IGSF21: variants seen among roughly 807,000 people sequenced by gnomAD.
The protein encoded by IGSF21 is immunoglobulin superfamily member 21.
Under a neutral mutation model 46.8 loss-of-function variants are expected in IGSF21, and 28 were observed. The observed-to-expected ratio is 0.60, with a 90% confidence interval of 0.44 to 0.82. The LOEUF is 0.82. Among genes scored for constraint, IGSF21 ranks in the 40% least tolerant of loss-of-function variants. The probability of loss-of-function intolerance (pLI) is 0.00; values close to 1 mark genes in which losing one functional copy is unlikely to be tolerated. For missense variants in IGSF21, 624 were observed against 665.5 expected (o/e 0.94, Z 0.69); for synonymous variants, 284 against 273.6 (o/e 1.04, Z -0.38).
intron 4 of IGSF21, among the ~76,000 whole-genome samples, chr1:18,352,756 G>T (rs1312926657): frequency 6.6e-6 from 1 of 152,216 alleles, no homozygotes; most frequent in African/African-American, 2.4e-5. Context: ...AGTTGGGGCT[G>T]TTAATTTTAT....
intron 1 of IGSF21, among the ~76,000 whole-genome samples, chr1:18,129,218 A>T (rs1248769921): frequency 6.6e-6 from 1 of 152,140 alleles, no homozygotes. Flanking sequence ...TGGGTCAGGA[A>T]AAGGGGAGAG....
intron 1 of IGSF21, among the ~76,000 whole-genome samples, chr1:18,133,554 C>A (rs2086341296): frequency 6.6e-6 from 1 of 152,250 alleles, no homozygotes; most frequent in Admixed American, 6.5e-5. Context: ...GTGCTCCATG[C>A]TGCCGCTTTC....
chr1:18,225,085 T>TCTCTCTCTCTCACACACA, intron 1 of IGSF21, among the ~76,000 whole-genome samples: 27 of 51,594 alleles, frequency 5.2e-4, no homozygotes, highest in East Asian at 4.4e-3. Context: ...TCTCTCTCTC[T>TCTCTCTCTCTCACACACA]CACACACACA....
intron 2 of IGSF21, among the ~76,000 whole-genome samples, chr1:18,260,231 T>A (rs961929572): frequency 3.3e-5 from 5 of 152,134 alleles, no homozygotes; most frequent in African/African-American, 1.2e-4. Context: ...GAAAGCCCAA[T>A]GTCTGTCGAG....
chr1:18,159,179 C>T (rs2086594268), intron 1 of IGSF21, among the ~76,000 whole-genome samples: 2 of 152,256 alleles, frequency 1.3e-5, no homozygotes, highest in African/African-American at 4.8e-5. Flanking sequence ...TCCAGCACAG[C>T]TCCGGAACCT....
chr1:18,112,357 G>A (rs1469964927), intron 1 of IGSF21: 1 of 152,172 alleles, frequency 6.6e-6, no homozygotes, highest in African/African-American at 2.4e-5. Flanking sequence ...TGGTGTTTAA[G>A]GCTCAGTGGG....
At chr1:18,372,671 T>A (rs1459878442) in intron 6 of IGSF21, among the ~76,000 whole-genome samples, 1 of 151,318 alleles carries the variant, frequency 6.6e-6, no homozygotes, top group African/African-American at 2.4e-5. Context: ...GATGGGTGGA[T>A]GGAGGGATGG....
intron 4 of IGSF21, among the ~76,000 whole-genome samples, chr1:18,339,220 C>T (rs1039914866): frequency 6.6e-6 from 1 of 152,210 alleles, no homozygotes; most frequent in Non-Finnish European, 1.5e-5. Context: ...GGTACATCCA[C>T]GTGAGTCACA....
intron 1 of IGSF21, among the ~76,000 whole-genome samples, chr1:18,138,506 C>A (rs2086386917): frequency 6.6e-6 from 1 of 152,082 alleles, no homozygotes. Context: ...TGGGAATGAC[C>A]CCAGGAGGTA....
chr1:18,205,123 G>A (rs545409185), intron 1 of IGSF21, among the ~76,000 whole-genome samples: 1 of 151,166 alleles, frequency 6.6e-6, no homozygotes, highest in East Asian at 2.0e-4. Flanking sequence ...ATGGGGGAGA[G>A]AAGAAAGATA....
chr1:18,288,558 G>A (rs1569733434), intron 2 of IGSF21, among the ~76,000 whole-genome samples: 2 of 152,180 alleles, frequency 1.3e-5, no homozygotes, highest in East Asian at 3.8e-4. Flanking sequence ...TTAAAGGCGA[G>A]GTGTCTTCCA....
chr1:18,208,047 G>A (rs1219340638), intron 1 of IGSF21, among the ~76,000 whole-genome samples: 1 of 151,968 alleles, frequency 6.6e-6, no homozygotes. Flanking sequence ...GAGAGAGATA[G>A]GAATTAACAA....
intron 1 of IGSF21, among the ~76,000 whole-genome samples, chr1:18,191,999 C>G (rs1381977529): frequency 6.6e-6 from 1 of 152,186 alleles, no homozygotes; most frequent in African/African-American, 2.4e-5. Flanking sequence ...CTCCAGCCCT[C>G]CTGGGCCGGG....
intron 2 of IGSF21, among the ~76,000 whole-genome samples, chr1:18,255,200 G>A (rs1051250930): frequency 6.6e-6 from 1 of 152,152 alleles, no homozygotes; most frequent in African/African-American, 2.4e-5. Context: ...CTTGGAGGAG[G>A]GGGCTAAGCC....
intron 2 of IGSF21, among the ~76,000 whole-genome samples, chr1:18,283,721 C>G (rs569110764): frequency 1.3e-5 from 2 of 152,048 alleles, no homozygotes; most frequent in Non-Finnish European, 2.9e-5. Context: ...CCCTTTCTTG[C>G]CCCCCTGCCC....
intron 2 of IGSF21, among the ~76,000 whole-genome samples, chr1:18,270,808 G>T (rs924249450): frequency 6.6e-6 from 1 of 151,926 alleles, no homozygotes; most frequent in Non-Finnish European, 1.5e-5. Context: ...ACCCAAACTG[G>T]TGCCATCAAG....
chr1:18,111,731 G>T (rs770855406), intron 1 of IGSF21: 1 of 152,272 alleles, frequency 6.6e-6, no homozygotes, highest in Non-Finnish European at 1.5e-5. Flanking sequence ...ATAGATTTAA[G>T]ACCTTCTTTT....
chr1:18,359,280 A>G (rs1398863742), intron 4 of IGSF21, among the ~76,000 whole-genome samples: 1 of 134,520 alleles, frequency 7.4e-6, no homozygotes, highest in Non-Finnish European at 1.6e-5. Context: ...CCTGCCTCAA[A>G]AAACACAAAA....
Position 18,377,451 on chromosome 1 carries a change from A to AT in IGSF21, c.1333+26dup, listed in dbSNP as rs781068451. 37 of 1,609,264 alleles carry AT rather than the reference A, an allele frequency of 2.3e-5. No homozygotes were observed. The South Asian group carries it at 3.5e-4, about 15-fold the overall frequency. On this transcript the variant is annotated intron_variant, in intron 9 of 9. Coordinates refer to ENST00000251296, the MANE Select transcript of IGSF21 (RefSeq NM_032880.5). ...CTAATGGTAAGTCTCTACCCTCAGG[A>AT]TTTTTTGCTTAAAAGGGAGTGGCTT...
Sources: allele counts gnomAD v4.1 joint callset (sites outside exome capture counted in the v4.1 genomes callset), GRCh38; gene constraint gnomAD v4.1.1; transcripts MANE v1.5; gene names NCBI Gene and HGNC (gene_info 2026-07-23, HGNC 2026-07-21).